IQGAP2: variants seen among roughly 807,000 people sequenced by gnomAD.
IQGAP2 encodes the protein IQ motif containing GTPase activating protein 2.
IQGAP2 carries 173 observed loss-of-function variants against 201.3 expected under a neutral mutation model. That is an observed-to-expected ratio of 0.86 (90% confidence interval 0.76 to 0.98). The LOEUF is 0.98. Among genes scored for constraint, IQGAP2 ranks in the 50% least tolerant of loss-of-function variants. The pLI is 0.00. For missense variants in IQGAP2, 1,687 were observed against 1,864.8 expected, an observed-to-expected ratio of 0.90 and a Z score of 1.76; for synonymous variants, 675 against 673.9, an observed-to-expected ratio of 1.00 and a Z score of -0.03.
At chr5:76,406,656 A>T (rs1016075582) in intron 1 of IQGAP2, among the ~76,000 whole-genome samples, 1 of 152,232 alleles carries the variant, frequency 6.6e-6, no homozygotes, top group African/African-American at 2.4e-5. Flanking sequence ...TGCTGCCATG[A>T]TCTGTCGTAA....
At chr5:76,675,311 G>A (rs941561234) in intron 27 of IQGAP2, among the ~76,000 whole-genome samples, 1 of 152,088 alleles carries the variant, frequency 6.6e-6, no homozygotes, top group African/African-American at 2.4e-5. Context: ...ACAAATTTTG[G>A]TGTGTATGGG....
At chr5:76,543,773 T>G (rs1742927720) in intron 2 of IQGAP2, among the ~76,000 whole-genome samples, 1 of 152,172 alleles carries the variant, frequency 6.6e-6, no homozygotes, top group South Asian at 2.1e-4. Flanking sequence ...TCCTAAAAGC[T>G]CCACTTGTCT....
At chr5:76,547,590 G>C (rs1045562243) in intron 2 of IQGAP2, 6 of 176,762 alleles carry the variant, frequency 3.4e-5, no homozygotes, top group African/African-American at 1.4e-4. Context: ...CCAGGAAGGA[G>C]AATCTGCTTC....
chr5:76,664,562 A>G (rs1178837517), intron 21 of IQGAP2, among the ~76,000 whole-genome samples: 2 of 152,222 alleles, frequency 1.3e-5, no homozygotes, highest in African/African-American at 4.8e-5. Flanking sequence ...GCGTGCCTGT[A>G]GTTCCAGCTA....
At chr5:76,624,409 A>T (rs937780025) in intron 13 of IQGAP2, 3 of 152,240 alleles carry the variant, frequency 2.0e-5, no homozygotes, top group African/African-American at 7.2e-5. Context: ...AAGGCTAGGG[A>T]TATGCTAGGA....
At chr5:76,608,007 G>A (rs1394700438) in intron 12 of IQGAP2, 1 of 152,196 alleles carries the variant, frequency 6.6e-6, no homozygotes, top group Admixed American at 6.5e-5. Context: ...AAAGATTGTA[G>A]GGTTGACATT....
intron 33 of IQGAP2, among the ~76,000 whole-genome samples, chr5:76,699,654 TCTCTCTCA>T (rs1406134302): frequency 6.3e-4 from 58 of 92,776 alleles, no homozygotes; most frequent in African/African-American, 8.1e-4. Flanking sequence ...TCTCTCTCTC[TCTCTCTCA>T]CTCTCGTGCT....
At chr5:76,660,643 G>T (rs1467208992) in intron 21 of IQGAP2, among the ~76,000 whole-genome samples, 3 of 152,228 alleles carry the variant, frequency 2.0e-5, no homozygotes. Flanking sequence ...TTTTGTGGGG[G>T]TTTTTTAAAG....
intron 14 of IQGAP2, among the ~76,000 whole-genome samples, chr5:76,628,149 C>G (rs1386895409): frequency 2.0e-5 from 3 of 152,216 alleles, no homozygotes; most frequent in African/African-American, 4.8e-5. Context: ...GTTAGTCTTT[C>G]TTCCACCCCT....
At chr5:76,577,613 A>C (rs983125641) in intron 5 of IQGAP2, among the ~76,000 whole-genome samples, 1 of 151,960 alleles carries the variant, frequency 6.6e-6, no homozygotes, top group Non-Finnish European at 1.5e-5. Context: ...GAGAAGTCCC[A>C]AGTGTATCTT....
At chr5:76,554,265 A>G (rs1235069162) in intron 2 of IQGAP2, among the ~76,000 whole-genome samples, 4 of 152,224 alleles carry the variant, frequency 2.6e-5, no homozygotes, top group Non-Finnish European at 4.4e-5. Flanking sequence ...GTATAAATAT[A>G]TAACATATAA....
chr5:76,618,073 C>T (rs777519711), intron 13 of IQGAP2: 1 of 1,614,122 alleles, frequency 6.2e-7, no homozygotes, highest in Non-Finnish European at 8.5e-7. Flanking sequence ...CCACATGTTA[C>T]CAAGGCATAG....
intron 16 of IQGAP2, among the ~76,000 whole-genome samples, chr5:76,637,447 A>G (rs1751236955): frequency 6.6e-6 from 1 of 152,238 alleles, no homozygotes; most frequent in African/African-American, 2.4e-5. Flanking sequence ...TAAGAAATCA[A>G]TCTTAAGATT....
At chr5:76,467,517 C>G (rs910846498) in intron 2 of IQGAP2, among the ~76,000 whole-genome samples, 1 of 152,096 alleles carries the variant, frequency 6.6e-6, no homozygotes, top group Non-Finnish European at 1.5e-5. Flanking sequence ...GTAGAGAAAT[C>G]AAAACTCATA....
intron 11 of IQGAP2, among the ~76,000 whole-genome samples, chr5:76,602,631 T>G (rs1187336279): frequency 6.6e-6 from 1 of 152,144 alleles, no homozygotes; most frequent in Non-Finnish European, 1.5e-5. Flanking sequence ...GACCCAGTAC[T>G]GACATGGGAT....
intron 13 of IQGAP2, among the ~76,000 whole-genome samples, chr5:76,621,299 G>C (rs1330061104): frequency 6.6e-6 from 1 of 152,184 alleles, no homozygotes; most frequent in Non-Finnish European, 1.5e-5. Context: ...TAGTAACTGA[G>C]GGGTATGGAG....
chr5:76,661,239 A>C (rs1309160680), intron 21 of IQGAP2, among the ~76,000 whole-genome samples: 1 of 150,982 alleles, frequency 6.6e-6, no homozygotes, highest in Non-Finnish European at 1.5e-5. Flanking sequence ...CTTTTAAATC[A>C]GCATTCCTCC....
chr5:76,705,688 A>T (rs1747829360), intron 35 of IQGAP2, among the ~76,000 whole-genome samples: 1 of 152,192 alleles, frequency 6.6e-6, no homozygotes, highest in Admixed American at 6.5e-5. Context: ...TATCTGAATA[A>T]TGTAGGGGTT....
chr5:76,700,534 CAA>C (rs1430932238), intron 33 of IQGAP2, among the ~76,000 whole-genome samples: 1 of 151,944 alleles, frequency 6.6e-6, no homozygotes, highest in Non-Finnish European at 1.5e-5. Flanking sequence ...CCCAAAAAAG[CAA>C]AGAGTACCAG....
Sources: allele counts gnomAD v4.1 joint callset (sites outside exome capture counted in the v4.1 genomes callset), GRCh38; gene constraint gnomAD v4.1.1; transcripts MANE v1.5; gene names NCBI Gene and HGNC (gene_info 2026-07-23, HGNC 2026-07-21).